Variants in ASNS observed in about 807,000 individuals in gnomAD.
ASNS encodes asparagine synthetase (glutamine-hydrolyzing).
ASNS carries 37 observed loss-of-function variants against 62.6 expected under a neutral mutation model. That is an observed-to-expected ratio of 0.59 (90% CI 0.45 to 0.78). The LOEUF (loss-of-function observed/expected upper bound fraction) is 0.78. ASNS is among the 30% of genes least tolerant of loss of function. The probability of loss-of-function intolerance (pLI) is 0.00; values close to 1 mark genes in which losing one functional copy is unlikely to be tolerated. For synonymous variants in ASNS, 207 were observed against 237.9 expected, an observed-to-expected ratio of 0.87 and a Z score of 1.19; for missense variants, 520 against 682.4, an observed-to-expected ratio of 0.76 and a Z score of 2.65.
the ASNS span, among the ~76,000 whole-genome samples, chr7:97,917,914 G>T: frequency 6.6e-6 from 1 of 152,258 alleles, no homozygotes; most frequent in South Asian, 2.1e-4. Flanking sequence ...GCAGCTCTAG[G>T]ATGCAGACAG....
the ASNS span, among the ~76,000 whole-genome samples, chr7:97,921,649 T>G: frequency 6.6e-6 from 1 of 152,160 alleles, no homozygotes; most frequent in South Asian, 2.1e-4. Flanking sequence ...GCACCATCCT[T>G]TGCCATCTCA....
At chr7:97,908,604 G>T in the ASNS span, among the ~76,000 whole-genome samples, 1 of 152,084 alleles carries the variant, frequency 6.6e-6, no homozygotes, top group Non-Finnish European at 1.5e-5. Context: ...GTTTCATCTT[G>T]TTGGCCAGGC....
the ASNS span, among the ~76,000 whole-genome samples, chr7:97,895,604 G>A: frequency 2.0e-5 from 3 of 152,124 alleles, no homozygotes; most frequent in East Asian, 5.8e-4. Context: ...GACCAGCGTG[G>A]CCAACATGGT....
At chr7:97,860,261 G>C (rs1791651168) in intron 4 of ASNS, among the ~76,000 whole-genome samples, 1 of 152,176 alleles carries the variant, frequency 6.6e-6, no homozygotes, top group Non-Finnish European at 1.5e-5. Context: ...ATTTTGACAG[G>C]TTATTCTAAA....
the ASNS span, chr7:97,908,161 A>C: frequency 6.6e-6 from 1 of 152,176 alleles, no homozygotes; most frequent in Non-Finnish European, 1.5e-5. Context: ...GCCCTTTATT[A>C]AGTCAATTAA....
At chr7:97,874,769 G>A (rs1562827299), upstream of ASNS, among the ~76,000 whole-genome samples, 1 of 152,278 alleles carries the variant, frequency 6.6e-6, no homozygotes, top group Non-Finnish European at 1.5e-5. Flanking sequence ...TTGAACTACA[G>A]ATGAGCTTAA....
the ASNS span, among the ~76,000 whole-genome samples, chr7:97,889,925 T>TAAAAA: frequency 1.4e-4 from 1 of 7,296 alleles, no homozygotes; most frequent in Non-Finnish European, 2.7e-4. Context: ...AGATAATGAA[T>TAAAAA]ACAAAAAAAA....
the ASNS span, among the ~76,000 whole-genome samples, chr7:97,893,296 T>A: frequency 6.6e-6 from 1 of 152,234 alleles, no homozygotes; most frequent in Non-Finnish European, 1.5e-5. Flanking sequence ...CAAGATGAGA[T>A]CTGAGTGGGG....
At chr7:97,883,288 C>G in the ASNS span, among the ~76,000 whole-genome samples, 1 of 152,094 alleles carries the variant, frequency 6.6e-6, no homozygotes, top group Non-Finnish European at 1.5e-5. Context: ...CTGCAAATGG[C>G]CTTTGAAAGT....
chr7:97,896,739 C>CATATATTTATATATATATATATATAT, the ASNS span, among the ~76,000 whole-genome samples: 1 of 31,984 alleles, frequency 3.1e-5, no homozygotes, highest in Non-Finnish European at 8.0e-5. Context: ...CACACACACA[C>CATATATTTATATATATATATATATAT]ACATATATAT....
At chr7:97,890,674 G>T in the ASNS span, among the ~76,000 whole-genome samples, 1 of 152,142 alleles carries the variant, frequency 6.6e-6, no homozygotes, top group Non-Finnish European at 1.5e-5. Context: ...TTGATCCCAG[G>T]AGTTCAAGGC....
In ASNS at chr7:97,852,487, A is replaced by G; in HGVS notation, c.1477-19T>C. 1 of 1,612,058 alleles carries G rather than the reference A, an allele frequency of 6.2e-7. No individual in the cohort carries two copies. The highest frequency in any genetic ancestry group is 1.1e-5 in the South Asian group (1 of 91,032). On this transcript the variant is annotated intron_variant, in intron 12 of 12. Transcript: ENST00000394308. Reference sequence around the variant, plus strand: ...CATCAACCTGTAAGAATAAGCATATAAGAGCAAAATGGCTTAAAATGGCAG... The same window carrying G: ...CATCAACCTGTAAGAATAAGCATATGAGAGCAAAATGGCTTAAAATGGCAG...
chr7:97,855,147 C>G, intron 9 of ASNS: 1 of 500,938 alleles, frequency 2.0e-6, no homozygotes, highest in Non-Finnish European at 3.6e-6. Flanking sequence ...CCAGCTGTAA[C>G]TAGTTTTAAA....
At chr7:97,909,562 G>C in the ASNS span, among the ~76,000 whole-genome samples, 1 of 152,070 alleles carries the variant, frequency 6.6e-6, no homozygotes, top group Non-Finnish European at 1.5e-5. Context: ...ACCCATCTCA[G>C]CCTCCCAAGT....
At chr7:97,871,194 T>C (rs1319171437) in intron 1 of ASNS, among the ~76,000 whole-genome samples, 1 of 152,232 alleles carries the variant, frequency 6.6e-6, no homozygotes, top group East Asian at 1.9e-4. Context: ...TAAAATATTA[T>C]CGAGCAGATA....
At chr7:97,892,396 A>G in the ASNS span, among the ~76,000 whole-genome samples, 1 of 152,198 alleles carries the variant, frequency 6.6e-6, no homozygotes, top group Non-Finnish European at 1.5e-5. Context: ...TTGGGGATTC[A>G]CATTTGACTC....
At chr7:97,862,838 G>A (rs1584469464) in intron 4 of ASNS, among the ~76,000 whole-genome samples, 1 of 151,620 alleles carries the variant, frequency 6.6e-6, no homozygotes, top group African/African-American at 2.4e-5. Flanking sequence ...AAATGGCAAA[G>A]GATCTGAACA....
At chr7:97,883,039 T>G in the ASNS span, among the ~76,000 whole-genome samples, 1 of 152,228 alleles carries the variant, frequency 6.6e-6, no homozygotes, top group Non-Finnish European at 1.5e-5. Flanking sequence ...GTCAACCTCC[T>G]GCAGCCGCAG....
At chr7:97,854,816 A>T (rs41278824) in intron 9 of ASNS, 136 bp from the exon 10 acceptor site, 1 of 1,497,726 alleles carries the variant, frequency 6.7e-7, no homozygotes, top group South Asian at 1.2e-5. Context: ...AACTGAACAG[A>T]GGTAAGCAAT....
Sources: allele counts gnomAD v4.1 joint callset (sites outside exome capture counted in the v4.1 genomes callset), GRCh38; gene constraint gnomAD v4.1.1; transcripts MANE v1.5; gene names NCBI Gene and HGNC (gene_info 2026-07-23, HGNC 2026-07-21).